PARD3B: variants seen among roughly 807,000 people sequenced by gnomAD.
PARD3B encodes partitioning defective 3 homolog B.
PARD3B carries 103 observed loss-of-function variants against 130.2 expected under a neutral mutation model. The ratio of observed to expected loss-of-function variants is 0.79; its 90% CI spans 0.67 to 0.93. The LOEUF is 0.93. Ranked by LOEUF, PARD3B falls within the 40% of genes least tolerant of loss-of-function variation. The probability of loss-of-function intolerance (pLI) is 0.00; values close to 1 mark genes in which losing one functional copy is unlikely to be tolerated. For missense variants in PARD3B, 1,609 were observed against 1,499.2 expected (o/e 1.07, Z -1.21); for synonymous variants, 583 against 553.2 (o/e 1.05, Z -0.76).
rs945489643 is a variant in PARD3B, at chr2:205,011,529, ATATTT to A, written c.395-36047_395-36043del. Reference sequence around the variant, plus strand: ...GGACATACCAGTACTTCTTTCTGTCATATTTTATTCATCGCACAGACCAACCTTGG... The same window carrying A: ...GGACATACCAGTACTTCTTTCTGTCATATTCATCGCACAGACCAACCTTGG... On this transcript the variant is annotated intron_variant, in intron 3 of 22. Coordinates refer to ENST00000406610, the MANE Select transcript of PARD3B (RefSeq NM_001302769.2). This position sits in a 1 kb window ranked among gnomAD's most constrained non-coding sequence, Gnocchi z 4.1. 5.9e-5 allele frequency among the ~76,000 whole-genome samples: 9 copies of A among 152,204 alleles called. No homozygotes were observed. The highest frequency in any genetic ancestry group is 1.9e-4 in the African/African-American group (8 of 41,454).
At chr2:204,598,235 A>T (rs531130939) in intron 1 of PARD3B, among the ~76,000 whole-genome samples, 1 of 152,234 alleles carries the variant, frequency 6.6e-6, no homozygotes, top group East Asian at 1.9e-4. Context: ...TTGTGAATTT[A>T]AAAAAAGCAA....
chr2:205,120,015 T>A (rs779101051), intron 7 of PARD3B, among the ~76,000 whole-genome samples: 4 of 152,068 alleles, frequency 2.6e-5, no homozygotes, highest in African/African-American at 7.2e-5. Context: ...TCCTAATACA[T>A]CTTCTCGCTG....
At chr2:205,370,936 G>T (rs2105906998) in intron 18 of PARD3B, among the ~76,000 whole-genome samples, 1 of 152,188 alleles carries the variant, frequency 6.6e-6, no homozygotes, top group East Asian at 1.9e-4. Flanking sequence ...TATTTCTTGT[G>T]TATGTCATTT....
At chr2:205,419,288 C>T (rs879339196) in intron 19 of PARD3B, among the ~76,000 whole-genome samples, 7 of 150,464 alleles carry the variant, frequency 4.7e-5, no homozygotes, top group Admixed American at 2.0e-4. Flanking sequence ...TCTCTCTTTG[C>T]TGGCCACCAT....
intron 20 of PARD3B, among the ~76,000 whole-genome samples, chr2:205,477,065 G>T (rs1201750739): frequency 6.6e-6 from 1 of 152,140 alleles, no homozygotes; most frequent in Non-Finnish European, 1.5e-5. Context: ...TACATGTCTG[G>T]CTTTGGGTTT....
intron 3 of PARD3B, among the ~76,000 whole-genome samples, chr2:205,000,628 C>T (rs918084065): frequency 2.6e-5 from 4 of 152,118 alleles, no homozygotes; most frequent in African/African-American, 9.7e-5. Flanking sequence ...CATATGCAAA[C>T]TTTATTTGAG....
In PARD3B at chr2:205,620,057, A is replaced by G. The variant is rs2055549262; in HGVS notation, c.*4244A>G. On this transcript the variant is annotated 3_prime_UTR_variant, in exon 23 of 23. Transcript: ENST00000406610. ...ATGAATTCTTTACAGACTTTTTAAGATGATCCATTTGTACCACAGAAAACA... is the reference window on the plus strand; with the variant it reads ...ATGAATTCTTTACAGACTTTTTAAGGTGATCCATTTGTACCACAGAAAACA... The G allele has an allele frequency of 1.3e-5, 2 of 152,174 alleles. No individual in the cohort carries two copies. The highest frequency in any genetic ancestry group is 2.4e-5 in the African/African-American group (1 of 41,448). 9.4% of individuals were successfully genotyped at this position (152,174 alleles called of 1,614,324 possible). A position where few individuals can be genotyped will look rare whatever the true frequency, so the allele number is the denominator to read the frequency against.
At chr2:205,168,732 T>G (rs774418485) in intron 11 of PARD3B, among the ~76,000 whole-genome samples, 1 of 151,822 alleles carries the variant, frequency 6.6e-6, no homozygotes, top group South Asian at 2.1e-4. Context: ...CCATATCTTC[T>G]GTTGTGTGTC....
intron 22 of PARD3B, among the ~76,000 whole-genome samples, chr2:205,555,205 G>A (rs1166804729): frequency 2.0e-5 from 3 of 152,198 alleles, no homozygotes; most frequent in African/African-American, 7.2e-5. Flanking sequence ...GAAATGGAGT[G>A]TTTGGGTACA....
At chr2:204,625,745 G>C (rs905413161) in intron 1 of PARD3B, among the ~76,000 whole-genome samples, 11 of 152,166 alleles carry the variant, frequency 7.2e-5, no homozygotes, top group African/African-American at 2.6e-4. Flanking sequence ...GTTATTTATA[G>C]ATTTTTAGCT....
At chr2:205,218,743 T>C (rs1328031975) in intron 15 of PARD3B, among the ~76,000 whole-genome samples, 2 of 152,170 alleles carry the variant, frequency 1.3e-5, no homozygotes, top group South Asian at 2.1e-4. Flanking sequence ...GCCTCTGAGA[T>C]GTCCAAAGAA....
chr2:205,370,791 A>G (rs1334003157), intron 18 of PARD3B, among the ~76,000 whole-genome samples: 1 of 152,226 alleles, frequency 6.6e-6, no homozygotes. Flanking sequence ...GCATTCTGTC[A>G]TCTTGGTTAC....
chr2:204,685,092 A>G (rs540023750), intron 1 of PARD3B, among the ~76,000 whole-genome samples: 1 of 152,288 alleles, frequency 6.6e-6, no homozygotes, highest in Non-Finnish European at 1.5e-5. Flanking sequence ...AACCATTTCT[A>G]TTAGCTTTTA....
At chr2:204,599,373 GT>G (rs921086105) in intron 1 of PARD3B, among the ~76,000 whole-genome samples, 3 of 151,652 alleles carry the variant, frequency 2.0e-5, no homozygotes, top group African/African-American at 7.3e-5. Context: ...AGTATCCTCT[GT>G]TTTACTTTTT....
Position 204,813,768 on chromosome 2 carries a change from A to G in PARD3B, c.222+127486A>G, listed in dbSNP as rs896082925. Among the ~76,000 whole-genome samples the G allele has an allele frequency of 9.2e-5, 14 of 152,220 alleles. No individual in the cohort carries two copies. In the South Asian group the frequency reaches 1.2e-3, roughly 14 times the overall value. ...TTGAGAACCATTTTCAAAAGAGACT[A>G]TTCTTTCTACGCTGTATTGCCATTT... On this transcript the variant is annotated intron_variant, in intron 2 of 22. Coordinates refer to ENST00000406610, the MANE Select transcript of PARD3B (RefSeq NM_001302769.2).
chr2:204,727,192 C>A (rs1007411967), intron 2 of PARD3B, among the ~76,000 whole-genome samples: 1 of 152,048 alleles, frequency 6.6e-6, no homozygotes, highest in Non-Finnish European at 1.5e-5. Context: ...TAACACAGCT[C>A]TTGTTTGTTT....
At chr2:205,517,472 C>A (rs960583401) in intron 21 of PARD3B, among the ~76,000 whole-genome samples, 1 of 151,888 alleles carries the variant, frequency 6.6e-6, no homozygotes, top group Admixed American at 6.6e-5. Context: ...TCTCCTTTTT[C>A]TTCTTTATTA....
intron 3 of PARD3B, among the ~76,000 whole-genome samples, chr2:204,983,245 C>T (rs1692832628): frequency 6.6e-6 from 1 of 152,060 alleles, no homozygotes; most frequent in African/African-American, 2.4e-5. Context: ...TTGGTAGTTT[C>T]ATTCTCAAAA....
chr2:204,968,051 G>A (rs1426313399), intron 3 of PARD3B, among the ~76,000 whole-genome samples: 1 of 152,148 alleles, frequency 6.6e-6, no homozygotes, highest in African/African-American at 2.4e-5. Flanking sequence ...GGAACTGGTT[G>A]TACTTTTCAC....
Sources: allele counts gnomAD v4.1 joint callset (sites outside exome capture counted in the v4.1 genomes callset), GRCh38; gene constraint gnomAD v4.1.1; non-coding constraint Gnocchi (gnomAD v3.1); transcripts MANE v1.5; gene names NCBI Gene and HGNC (gene_info 2026-07-23, HGNC 2026-07-21).